The following ZNF12 variants were observed in gnomAD, a reference collection of about 807,000 sequenced individuals.
ZNF12 encodes gonadotropin inducible transcription repressor 3.
In ZNF12, 34 loss-of-function variants were observed where a neutral mutation model predicts 66.6. The ratio of observed to expected loss-of-function variants is 0.51; its 90% CI spans 0.39 to 0.68. ZNF12 has a LOEUF of 0.68. ZNF12 is among the 30% of genes least tolerant of loss of function. The probability of loss-of-function intolerance (pLI) is 0.00; values close to 1 mark genes in which losing one functional copy is unlikely to be tolerated. For missense variants in ZNF12, 697 were observed against 826.9 expected, an observed-to-expected ratio of 0.84 and a Z score of 1.93; for synonymous variants, 320 against 278.9, an observed-to-expected ratio of 1.15 and a Z score of -1.47.
chr7:6,690,959 A>G lies in ZNF12; in HGVS notation c.1983T>C (p.Tyr661=). The G allele has an allele frequency of 6.2e-7, 1 of 1,614,168 alleles. No individual in the cohort carries two copies. Among genetic ancestry groups the G allele is most frequent in the South Asian group, 1.1e-5 (1 of 91,084 alleles). ...ATTTTTTTCCACATTCAGTACACTC[A>G]TAGGGTTTCTCTCCTGAATGAGTTC... is the stretch of plus-strand genomic sequence containing the variant. ...HYRTHSGEKP[Y]ECTECGKKFY... is the part of the protein sequence containing the mutation. Residue 661 remains tyrosine, a synonymous_variant, in exon 5 of 5, where the codon TAT becomes TAC. Coordinates refer to ENST00000405858, the MANE Select transcript of ZNF12 (RefSeq NM_016265.4).
At chr7:6,700,261 G>A (rs1238740377) in intron 2 of ZNF12, among the ~76,000 whole-genome samples, 1 of 148,470 alleles carries the variant, frequency 6.7e-6, no homozygotes, top group Non-Finnish European at 1.5e-5. Context: ...CTCCAGCCTG[G>A]GCAACAGAGC....
chr7:6,704,568 T>TAA (rs752684046), intron 2 of ZNF12, among the ~76,000 whole-genome samples: 7,038 of 84,726 alleles, frequency 0.083, 451 homozygotes, highest in Non-Finnish European at 0.12. Flanking sequence ...GTCTCTACTT[T>TAA]AAAAAAAAAA....
chr7:6,703,279 A>G (rs1363351692), intron 2 of ZNF12, among the ~76,000 whole-genome samples: 1 of 152,218 alleles, frequency 6.6e-6, no homozygotes, highest in Non-Finnish European at 1.5e-5. Flanking sequence ...ACACTTCAGG[A>G]GAAATACTCG....
chr7:6,689,771 T>C lies in ZNF12; in HGVS notation c.*1077A>G, dbSNP rs910630550. On this transcript the variant is annotated 3_prime_UTR_variant, in exon 5 of 5. Coordinates refer to ENST00000405858, the MANE Select transcript of ZNF12 (RefSeq NM_016265.4). ...CTTGTTAGAATGTGTTCTTAATTCA[T>C]TAACAGGAAGGAGTAGAGCACAAGG... is the stretch of plus-strand genomic sequence containing the variant. 1.3e-5 allele frequency: 2 copies of C among 152,558 alleles called. No individual in the cohort carries two copies. The highest frequency in any genetic ancestry group is 4.8e-5 in the African/African-American group (2 of 41,418). 9.5% of individuals were successfully genotyped at this position (152,558 alleles called of 1,614,324 possible). A position where few individuals can be genotyped will look rare whatever the true frequency, so the allele number is the denominator to read the frequency against.
intron 2 of ZNF12, among the ~76,000 whole-genome samples, chr7:6,699,329 C>T (rs902920174): frequency 6.6e-6 from 1 of 152,194 alleles, no homozygotes; most frequent in Non-Finnish European, 1.5e-5. Context: ...CTGGGTTCTA[C>T]TGACTCCCTG....
Position 6,692,810 on chromosome 7 carries a change from A to G in ZNF12, c.239-107T>C. On this transcript the variant is annotated intron_variant, in intron 4 of 4. Transcript: ENST00000405858. This position sits in a 1 kb window ranked among gnomAD's most constrained non-coding sequence, Gnocchi z 5.1. ...ACGCATCTCATTGTGAGTAGATGCTAGCTTCATGAACAGATGAAAATAATT... is the reference window on the plus strand; with the variant it reads ...ACGCATCTCATTGTGAGTAGATGCTGGCTTCATGAACAGATGAAAATAATT... The G allele has an allele frequency of 9.0e-7, 1 of 1,113,294 alleles. No homozygotes were observed. The highest frequency in any genetic ancestry group is 2.5e-5 in the East Asian group (1 of 40,428). 69.0% of individuals were successfully genotyped at this position (1,113,294 alleles called of 1,614,324 possible). A position where few individuals can be genotyped will look rare whatever the true frequency, so the allele number is the denominator to read the frequency against.
rs1176067272 is a variant in ZNF12, at chr7:6,692,058, T to G, written c.884A>C (p.Lys295Thr). The change falls in exon 5 of 5, where the codon AAA (lysine) becomes ACA (threonine). Residue 295 changes from lysine to threonine, a missense_variant. Around this residue, in one of 3 missense-constraint regions of ZNF12, gnomAD observed 401 missense variants for 519.0 expected, o/e 0.77. Transcript: ENST00000405858. The surrounding 1 kb of genome is among the most constrained non-coding windows in gnomAD (Gnocchi z 5.1). ...CCCACACTGATTACATTCGTAAGGTTTCTCTCCTGTGTGAGTCCTCTGATG... is the reference window on the plus strand; with the variant it reads ...CCCACACTGATTACATTCGTAAGGTGTCTCTCCTGTGTGAGTCCTCTGATG... Reference protein sequence around the residue: ...IIHQRTHTGEKPYECNQCGKS... With the variant: ...IIHQRTHTGETPYECNQCGKS... 1 of 1,613,676 alleles carries G rather than the reference T, an allele frequency of 6.2e-7. No individual in the cohort carries two copies. The highest frequency in any genetic ancestry group is 8.5e-7 in the Non-Finnish European group (1 of 1,179,690).
chr7:6,690,788 G>T lies in ZNF12; in HGVS notation c.*60C>A. On this transcript the variant is annotated 3_prime_UTR_variant, in exon 5 of 5. Coordinates refer to ENST00000405858, the MANE Select transcript of ZNF12 (RefSeq NM_016265.4). The stretch of plus-strand genomic sequence containing the variant: ...CTGATGTACAAGGTGTTTGACTTCA[G>T]GCAGGAGTTTCTGATTCACTATACT... 6.8e-7 allele frequency: 1 copy of T among 1,476,936 alleles called. No individual in the cohort carries two copies. The highest frequency in any genetic ancestry group is 9.0e-7 in the Non-Finnish European group (1 of 1,109,064). 91.5% of individuals were successfully genotyped at this position (1,476,936 alleles called of 1,614,324 possible).
Position 6,691,134 on chromosome 7 carries a change from T to C in ZNF12, c.1808A>G (p.Lys603Arg), listed in dbSNP as rs1184332316. 6.2e-7 allele frequency: 1 copy of C among 1,614,110 alleles called. No homozygotes were observed. The highest frequency in any genetic ancestry group is 1.7e-5 in the Admixed American group (1 of 60,016). ...CCCACATTCATAACATTCGTAGGCT[T>C]TCTCTCCTGTGTGTGTTCTCTGATG... ...NRHQRTHTGE[K>R]AYECYECGKC... is the part of the protein sequence containing the mutation. Residue 603 changes from lysine (K) to arginine (R), a missense_variant, in exon 5 of 5, where the codon AAA becomes AGA. Around this residue, in one of 3 missense-constraint regions of ZNF12, gnomAD observed 401 missense variants for 519.0 expected, o/e 0.77. Coordinates refer to ENST00000405858, the MANE Select transcript of ZNF12 (RefSeq NM_016265.4).
Position 6,690,698 on chromosome 7 carries a change from CTG to C in ZNF12, c.*148_*149del, listed in dbSNP as rs1411145921. 2 of 753,928 alleles carry C rather than the reference CTG, an allele frequency of 2.7e-6. No homozygotes were observed. Among genetic ancestry groups the C allele is most frequent in the African/African-American group, 3.5e-5 (2 of 56,556 alleles). 46.7% of individuals were successfully genotyped at this position (753,928 alleles called of 1,614,324 possible). A position where few individuals can be genotyped will look rare whatever the true frequency, so the allele number is the denominator to read the frequency against. On this transcript the variant is annotated 3_prime_UTR_variant, in exon 5 of 5. Coordinates refer to ENST00000405858, the MANE Select transcript of ZNF12 (RefSeq NM_016265.4). Reference sequence around the variant, plus strand: ...TCTTGTTATAATCATGGTTTCCATTCTGTGAGTCTTCAGATTATGAGTCCAAC... The same window carrying C: ...TCTTGTTATAATCATGGTTTCCATTCTGAGTCTTCAGATTATGAGTCCAAC...
intron 2 of ZNF12, among the ~76,000 whole-genome samples, chr7:6,703,039 T>TAC (rs10548883): frequency 0.029 from 3,844 of 133,618 alleles, 58 homozygotes; most frequent in East Asian, 0.085. Context: ...GCTCCCAAAC[T>TAC]ACACACACAC....
At position 6,697,957 on chromosome 7, in the gene ZNF12, G is replaced by C. The variant is rs774935354; in HGVS notation, c.16-146C>G. The C allele has an allele frequency of 2.0e-6, 2 of 987,848 alleles. No homozygotes were observed. Among genetic ancestry groups the C allele is most frequent in the South Asian group, 2.6e-5 (2 of 78,130 alleles). The allele number at this position is 987,848 out of a possible 1,614,324, so 61.2% of individuals were successfully genotyped here. On this transcript the variant is annotated intron_variant, in intron 2 of 4. Coordinates refer to ENST00000405858, the MANE Select transcript of ZNF12 (RefSeq NM_016265.4). This position sits in a 1 kb window ranked among gnomAD's most constrained non-coding sequence, Gnocchi z 6.1. ...CTGTCAAAGGGAAACAAACATATCA[G>C]AAATACACTGTTCTGGGGTTCATTC...
intron 2 of ZNF12, among the ~76,000 whole-genome samples, chr7:6,702,498 ACACACACACAGATTTATCTCCCAAACTG>A (rs1175682671): frequency 2.3e-5 from 3 of 128,902 alleles, no homozygotes; most frequent in Non-Finnish European, 4.8e-5. Context: ...ACACACACAC[ACACACACACAGATTTATCTCCCAAACTG>A]CACACACACA....
At chr7:6,695,863 G>A (rs1780146588) in intron 4 of ZNF12, among the ~76,000 whole-genome samples, 1 of 152,202 alleles carries the variant, frequency 6.6e-6, no homozygotes, top group African/African-American at 2.4e-5. Context: ...GTTATGTGGG[G>A]AAGGAAAGCA....
intron 2 of ZNF12, among the ~76,000 whole-genome samples, chr7:6,701,395 A>G (rs1246524828): frequency 3.9e-5 from 6 of 152,172 alleles, no homozygotes; most frequent in Non-Finnish European, 8.8e-5. Context: ...GCAAGGAGGG[A>G]GCTTCCTCTG....
rs779518265 is a variant in ZNF12 at position 6,698,513 on chromosome 7, G to A, written c.16-702C>T. ...ACCTGCTCCTACCATAGCTACTACT[G>A]GAACCAACCCACAATATTTGACACA... On this transcript the variant is annotated intron_variant, in intron 2 of 4. Transcript: ENST00000405858. The surrounding 1 kb of genome is among the most constrained non-coding windows in gnomAD (Gnocchi z 4.4). Among the ~76,000 whole-genome samples the A allele has an allele frequency of 2.0e-5, 3 of 152,072 alleles. No individual in the cohort carries two copies. The highest frequency in any genetic ancestry group is 4.4e-5 in the Non-Finnish European group (3 of 68,014).
rs1361315757 is a variant in ZNF12, at chr7:6,706,577, C to T, written c.-196G>A. On this transcript the variant is annotated 5_prime_UTR_variant, in exon 1 of 5. Coordinates refer to ENST00000405858, the MANE Select transcript of ZNF12 (RefSeq NM_016265.4). Reference sequence around the variant, plus strand: ...TCCAGAGGGGCCCGGGCCGGGCCTACGGGACAAATCCAGGCGGGGCGTCCC... The same window carrying T: ...TCCAGAGGGGCCCGGGCCGGGCCTATGGGACAAATCCAGGCGGGGCGTCCC... 5 of 461,444 alleles carry T rather than the reference C, an allele frequency of 1.1e-5. No homozygotes were observed. The highest frequency in any genetic ancestry group is 2.0e-5 in the African/African-American group (1 of 50,266). 28.6% of individuals were successfully genotyped at this position (461,444 alleles called of 1,614,324 possible).
Position 6,706,774 on chromosome 7 carries a change from CG to C in ZNF12, c.-394del. The C allele has an allele frequency of 4.2e-6, 1 of 237,712 alleles. No homozygotes were observed. The highest frequency in any genetic ancestry group is 8.3e-6 in the Non-Finnish European group (1 of 120,072). 14.7% of individuals were successfully genotyped at this position (237,712 alleles called of 1,614,324 possible). A position where few individuals can be genotyped will look rare whatever the true frequency, so the allele number is the denominator to read the frequency against. ...CGCCGTCGGCTCCGGGGGTCGTGCT[CG>C]GGGATCCCCGCTTGAGCCTCCGCCT... On this transcript the variant is annotated 5_prime_UTR_variant, in exon 1 of 5. Coordinates refer to ENST00000405858, the MANE Select transcript of ZNF12 (RefSeq NM_016265.4).
rs1401243194 is a variant in ZNF12 at position 6,695,502 on chromosome 7, G to A, written c.238+1837C>T. On this transcript the variant is annotated intron_variant, in intron 4 of 4. Coordinates refer to ENST00000405858, the MANE Select transcript of ZNF12 (RefSeq NM_016265.4). The stretch of plus-strand genomic sequence containing the variant: ...TTACAGGTGTGAGCCACCACATTTG[G>A]CCCAGGCATGCATATTTAGAAGTAA... Among the ~76,000 whole-genome samples the A allele has an allele frequency of 2.0e-5, 3 of 152,024 alleles. No individual in the cohort carries two copies. In the East Asian group the frequency reaches 5.8e-4, roughly 29 times the overall value.
Sources: allele counts gnomAD v4.1 joint callset (sites outside exome capture counted in the v4.1 genomes callset), GRCh38; gene constraint gnomAD v4.1.1; regional missense constraint gnomAD v4.1.1; non-coding constraint Gnocchi (gnomAD v3.1); transcripts MANE v1.5; gene names NCBI Gene and HGNC (gene_info 2026-07-23, HGNC 2026-07-21).